CDH13: variants seen among roughly 807,000 people sequenced by gnomAD.
CDH13 encodes cadherin-13.
Under a neutral mutation model 63.8 loss-of-function variants are expected in CDH13, and 24 were observed. The ratio of observed to expected loss-of-function variants is 0.38; its 90% CI spans 0.27 to 0.53. The LOEUF (loss-of-function observed/expected upper bound fraction) is 0.53. Among genes scored for constraint, CDH13 ranks in the 20% least tolerant of loss-of-function variants. The pLI, the probability that CDH13 is intolerant of heterozygous loss-of-function variation, is 0.85. For synonymous variants in CDH13, 503 were observed against 355.3 expected (o/e 1.42, Z -4.67); for missense variants, 1,049 against 903.1 (o/e 1.16, Z -2.07).
chr16:83,308,641 G>A (rs2089933030), intron 5 of CDH13, among the ~76,000 whole-genome samples: 1 of 152,320 alleles, frequency 6.6e-6, no homozygotes, highest in Non-Finnish European at 1.5e-5. Flanking sequence ...TCCATGGAAA[G>A]AACCTTTCCT....
chr16:83,479,427 C>G (rs189824530), intron 6 of CDH13, among the ~76,000 whole-genome samples: 2 of 152,008 alleles, frequency 1.3e-5, no homozygotes, highest in Non-Finnish European at 2.9e-5. Context: ...AGCACTTTGA[C>G]GGGCAGATCA....
At chr16:83,705,731 C>T (rs1391495099) in intron 10 of CDH13, among the ~76,000 whole-genome samples, 2 of 152,220 alleles carry the variant, frequency 1.3e-5, no homozygotes, top group Non-Finnish European at 2.9e-5. Flanking sequence ...ATCCTTCAAA[C>T]AACCCTAAAG....
At chr16:83,692,212 T>C (rs1330015440) in intron 10 of CDH13, among the ~76,000 whole-genome samples, 1 of 152,242 alleles carries the variant, frequency 6.6e-6, no homozygotes, top group Non-Finnish European at 1.5e-5. Flanking sequence ...CTGATTTTAG[T>C]TGATGGATTT....
At chr16:82,835,482 T>G (rs1363841418) in intron 1 of CDH13, among the ~76,000 whole-genome samples, 2 of 152,214 alleles carry the variant, frequency 1.3e-5, no homozygotes. Context: ...TCCTGGGATG[T>G]GCTTCCTGGG....
intron 2 of CDH13, among the ~76,000 whole-genome samples, chr16:82,918,348 A>T (rs1034679340): frequency 1.3e-5 from 2 of 152,170 alleles, no homozygotes; most frequent in African/African-American, 4.8e-5. Flanking sequence ...GAATCTCTGC[A>T]CCAGTTTCTG....
At chr16:83,016,323 A>T (rs1914790194) in intron 2 of CDH13, among the ~76,000 whole-genome samples, 1 of 152,236 alleles carries the variant, frequency 6.6e-6, no homozygotes, top group African/African-American at 2.4e-5. Context: ...ATCACAGCTG[A>T]TGAGTATCTC....
chr16:82,785,224 T>C (rs72805951), intron 1 of CDH13, among the ~76,000 whole-genome samples: 3 of 152,174 alleles, frequency 2.0e-5, no homozygotes, highest in South Asian at 4.1e-4. Flanking sequence ...GACTCTCTTA[T>C]GTCTAAATGT....
chr16:83,414,904 T>A (rs1289011210), intron 6 of CDH13, among the ~76,000 whole-genome samples: 1 of 152,130 alleles, frequency 6.6e-6, no homozygotes, highest in East Asian at 1.9e-4. Context: ...CTTCAAACTA[T>A]CTCTTGAAGA....
intron 11 of CDH13, among the ~76,000 whole-genome samples, chr16:83,752,422 G>A (rs923993247): frequency 3.9e-5 from 6 of 152,214 alleles, no homozygotes; most frequent in Non-Finnish European, 8.8e-5. Context: ...ACCAAATTTA[G>A]TTGGCTTTCT....
chr16:83,681,451 C>G (rs1265960973), intron 10 of CDH13, among the ~76,000 whole-genome samples: 7 of 152,206 alleles, frequency 4.6e-5, no homozygotes, highest in Admixed American at 2.0e-4. Flanking sequence ...ATTTCTCTCT[C>G]TGGCCTCACT....
In CDH13 at chr16:83,580,951, G is replaced by C. The variant is rs527673787; in HGVS notation, c.961-21503G>C. 2.9e-4 allele frequency among the ~76,000 whole-genome samples: 44 copies of C among 152,310 alleles called. 1 individual carries two copies. In the South Asian group the frequency reaches 9.1e-3, roughly 32 times the overall value. ...TACTTAGCATCTTTGTTACATAACAGATCTCTATTTGTGGGAGTTAATATT... is the reference window on the plus strand; with the variant it reads ...TACTTAGCATCTTTGTTACATAACACATCTCTATTTGTGGGAGTTAATATT... On this transcript the variant is annotated intron_variant, in intron 7 of 13. Transcript: ENST00000567109.
At chr16:82,800,787 T>G (rs1202768385) in intron 1 of CDH13, among the ~76,000 whole-genome samples, 1 of 152,222 alleles carries the variant, frequency 6.6e-6, no homozygotes, top group East Asian at 1.9e-4. Flanking sequence ...TAAAATTTGT[T>G]CTGGTATTTG....
chr16:83,655,485 A>G (rs1433457975), intron 8 of CDH13, among the ~76,000 whole-genome samples: 1 of 152,188 alleles, frequency 6.6e-6, no homozygotes, highest in Non-Finnish European at 1.5e-5. Context: ...ACATGAAGAC[A>G]AGAGTCTGTC....
At chr16:82,971,713 T>C (rs1014015104) in intron 2 of CDH13, among the ~76,000 whole-genome samples, 2 of 152,214 alleles carry the variant, frequency 1.3e-5, no homozygotes, top group Admixed American at 6.5e-5. Flanking sequence ...TGGTACCAAA[T>C]AGATAAGTCT....
intron 2 of CDH13, among the ~76,000 whole-genome samples, chr16:82,883,489 T>A (rs2040776588): frequency 1.3e-5 from 2 of 152,208 alleles, no homozygotes; most frequent in African/African-American, 4.8e-5. Context: ...ATCTGCATGT[T>A]TTCCATCGAC....
At chr16:83,635,815 T>A (rs747950949) in intron 8 of CDH13, among the ~76,000 whole-genome samples, 3 of 152,206 alleles carry the variant, frequency 2.0e-5, no homozygotes, top group Non-Finnish European at 4.4e-5. Context: ...TTCATGCAAG[T>A]CCAATTTATA....
At chr16:82,795,729 C>G (rs35239453) in intron 1 of CDH13, among the ~76,000 whole-genome samples, 2 of 152,104 alleles carry the variant, frequency 1.3e-5, no homozygotes, top group African/African-American at 4.8e-5. Context: ...CAGCTCACTT[C>G]TGAGCTCTGG....
chr16:83,099,820 C>G (rs1159340484), intron 3 of CDH13, among the ~76,000 whole-genome samples: 1 of 152,110 alleles, frequency 6.6e-6, no homozygotes, highest in Non-Finnish European at 1.5e-5. Flanking sequence ...TTGAAAAGTG[C>G]TCAGCATAGC....
chr16:82,686,440 G>A (rs892524984), intron 1 of CDH13, among the ~76,000 whole-genome samples: 1 of 152,166 alleles, frequency 6.6e-6, no homozygotes, highest in Non-Finnish European at 1.5e-5. Context: ...GGTTACTGGT[G>A]TCAACGGAGA....
Sources: allele counts gnomAD v4.1 joint callset (sites outside exome capture counted in the v4.1 genomes callset), GRCh38; gene constraint gnomAD v4.1.1; transcripts MANE v1.5; gene names NCBI Gene and HGNC (gene_info 2026-07-23, HGNC 2026-07-21).